The following GLRA3 variants were observed in gnomAD, a reference collection of about 807,000 sequenced individuals.
The protein encoded by GLRA3 is glycine receptor subunit alpha-3.
A neutral mutation model predicts 60.4 loss-of-function variants in GLRA3; 44 were observed. The observed-to-expected ratio is 0.73, with a 90% CI of 0.57 to 0.94. GLRA3 has a LOEUF of 0.94. Among genes scored for constraint, GLRA3 ranks in the 40% least tolerant of loss-of-function variants. The pLI is 0.00. For synonymous variants in GLRA3, 223 were observed against 192.9 expected (o/e 1.16, Z -1.29); for missense variants, 508 against 564.6 (o/e 0.90, Z 1.02).
chr4:174,788,957 C>T lies in GLRA3; in HGVS notation c.72-14G>A, dbSNP rs1739226319. 6 of 1,534,778 alleles carry T rather than the reference C, an allele frequency of 3.9e-6. No homozygotes were observed. In the East Asian group the frequency reaches 9.3e-5, roughly 24 times the overall value. On this transcript the variant is annotated splice_polypyrimidine_tract_variant and intron_variant, in intron 1 of 9. Transcript: ENST00000274093. ...GTGGCAACCAAACTACAAATAAGAA[C>T]AAAAATATAGACTTTACAAAAAGAA... is the stretch of plus-strand genomic sequence containing the variant.
chr4:174,826,866 G>C (rs1310086895), intron 1 of GLRA3, among the ~76,000 whole-genome samples: 4 of 125,958 alleles, frequency 3.2e-5, no homozygotes, highest in Non-Finnish European at 3.4e-5. Context: ...TCCAGTAGAG[G>C]GAGCTTCCTT....
At chr4:174,648,680 GC>G (rs754532370) in intron 9 of GLRA3, among the ~76,000 whole-genome samples, 2 of 152,150 alleles carry the variant, frequency 1.3e-5, no homozygotes, top group Admixed American at 6.6e-5. Flanking sequence ...TAGGCATGTG[GC>G]CCTCATTCTG....
At chr4:174,716,926 C>T (rs1361599848) in intron 4 of GLRA3, among the ~76,000 whole-genome samples, 6 of 151,962 alleles carry the variant, frequency 3.9e-5, no homozygotes, top group South Asian at 4.1e-4. Context: ...TTTAGCCAGG[C>T]GTGGTGTCTT....
intron 5 of GLRA3, among the ~76,000 whole-genome samples, chr4:174,686,570 T>TGGTA (rs1474991861): frequency 3.3e-5 from 5 of 152,330 alleles, no homozygotes; most frequent in African/African-American, 1.2e-4. Flanking sequence ...AAGGAAGATG[T>TGGTA]CCTGCTAGGC....
intron 5 of GLRA3, among the ~76,000 whole-genome samples, chr4:174,706,904 T>C (rs773632693): frequency 1.3e-5 from 2 of 152,164 alleles, no homozygotes; most frequent in African/African-American, 2.4e-5. Context: ...AGATTATATC[T>C]GTGAACAGGT....
At chr4:174,684,400 C>T (rs1030086649) in intron 5 of GLRA3, among the ~76,000 whole-genome samples, 2 of 152,104 alleles carry the variant, frequency 1.3e-5, no homozygotes, top group African/African-American at 2.4e-5. Context: ...AACCTTTGCA[C>T]ATAATATCAG....
At chr4:174,772,541 A>G (rs1187797433) in intron 2 of GLRA3, among the ~76,000 whole-genome samples, 1 of 152,226 alleles carries the variant, frequency 6.6e-6, no homozygotes, top group Non-Finnish European at 1.5e-5. Flanking sequence ...TCCAAATTTC[A>G]AAACTATGGT....
intron 5 of GLRA3, among the ~76,000 whole-genome samples, chr4:174,686,628 A>T (rs1184775468): frequency 6.6e-6 from 1 of 152,224 alleles, no homozygotes; most frequent in Non-Finnish European, 1.5e-5. Context: ...AAGTGGCACG[A>T]GACAGGCAGA....
chr4:174,674,779 T>C (rs1734047782), intron 7 of GLRA3, among the ~76,000 whole-genome samples: 1 of 152,178 alleles, frequency 6.6e-6, no homozygotes. Context: ...GTGGCAAGAC[T>C]CTCAGACTTC....
chr4:174,818,363 T>C (rs1479722902), intron 1 of GLRA3, among the ~76,000 whole-genome samples: 2 of 152,222 alleles, frequency 1.3e-5, no homozygotes, highest in Non-Finnish European at 2.9e-5. Flanking sequence ...ATATTTGATG[T>C]GAGATTATAT....
chr4:174,788,048 T>C (rs188903127), intron 2 of GLRA3, among the ~76,000 whole-genome samples: 3 of 151,840 alleles, frequency 2.0e-5, no homozygotes, highest in South Asian at 2.1e-4. Context: ...CTGAATCCCA[T>C]GAAAAAAGTG....
intron 3 of GLRA3, 21 bp downstream of exon 3, chr4:174,766,942 G>A (rs954584330): frequency 5.0e-6 from 7 of 1,387,080 alleles, no homozygotes; most frequent in African/African-American, 2.8e-5. Flanking sequence ...TGTGAAACTT[G>A]TTGCAAAGTA....
intron 3 of GLRA3, among the ~76,000 whole-genome samples, chr4:174,763,795 G>A (rs1738031438): frequency 6.6e-6 from 1 of 151,990 alleles, no homozygotes; most frequent in South Asian, 2.1e-4. Flanking sequence ...CAGTAATGAT[G>A]GTAAACTAGT....
Position 174,648,281 on chromosome 4 carries a change from C to A in GLRA3, c.1117-4217G>T, listed in dbSNP as rs1177483426. On this transcript the variant is annotated intron_variant, in intron 9 of 9. Transcript: ENST00000274093. Reference sequence around the variant, plus strand: ...TTCGAGACCAGCCTGGCCAAGATGGCGAAACCCTGTCTCTACTAAAAATAC... The same window carrying A: ...TTCGAGACCAGCCTGGCCAAGATGGAGAAACCCTGTCTCTACTAAAAATAC... 2.6e-5 allele frequency among the ~76,000 whole-genome samples: 4 copies of A among 152,020 alleles called. No homozygotes were observed. The East Asian group carries it at 5.8e-4, about 22-fold the overall frequency.
At chr4:174,815,123 A>G (rs1160644075) in intron 1 of GLRA3, among the ~76,000 whole-genome samples, 2 of 152,240 alleles carry the variant, frequency 1.3e-5, no homozygotes, top group Admixed American at 6.5e-5. Flanking sequence ...CAAAAAGGCT[A>G]GAGGCCCCAT....
intron 7 of GLRA3, among the ~76,000 whole-genome samples, chr4:174,668,880 A>G (rs1184694595): frequency 6.6e-6 from 1 of 152,158 alleles, no homozygotes; most frequent in East Asian, 1.9e-4. Context: ...GAGCTAAAAT[A>G]GCCCTTTGAA....
chr4:174,692,421 C>T (rs1479687303), intron 5 of GLRA3, among the ~76,000 whole-genome samples: 1 of 151,298 alleles, frequency 6.6e-6, no homozygotes, highest in Non-Finnish European at 1.5e-5. Context: ...TCCCGGCCAC[C>T]ACCCCATCTG....
chr4:174,793,266 T>C (rs1178803138), intron 1 of GLRA3, among the ~76,000 whole-genome samples: 1 of 152,034 alleles, frequency 6.6e-6, no homozygotes, highest in East Asian at 1.9e-4. Context: ...TTGCTTTAAA[T>C]AACCATGTCC....
chr4:174,737,791 C>T (rs1342645103), intron 3 of GLRA3, among the ~76,000 whole-genome samples: 3 of 152,152 alleles, frequency 2.0e-5, no homozygotes, highest in Admixed American at 6.5e-5. Flanking sequence ...GGATTACAGG[C>T]GTGAGCCACG....
Sources: gnomAD v4.1 joint callset for allele counts (sites outside exome capture counted in the v4.1 genomes callset) on GRCh38, gnomAD v4.1.1 for gene constraint, MANE v1.5 for transcripts, NCBI Gene and HGNC (gene_info 2026-07-23, HGNC 2026-07-21) for gene names.